PLA2G4A: variants seen among roughly 807,000 people sequenced by gnomAD.
PLA2G4A encodes phospholipase A2 group IVA.
A neutral mutation model predicts 81.9 loss-of-function variants in PLA2G4A; 40 were observed. The observed-to-expected ratio is 0.49, with a 90% CI of 0.38 to 0.64. The LOEUF (loss-of-function observed/expected upper bound fraction) is 0.64. Among genes scored for constraint, PLA2G4A ranks in the 30% least tolerant of loss-of-function variants. The pLI is 0.00. For synonymous variants in PLA2G4A, 302 were observed against 296.9 expected (o/e 1.02, Z -0.18); for missense variants, 715 against 905.1 (o/e 0.79, Z 2.69).
At chr1:186,949,451 G>A (rs1656472848) in intron 12 of PLA2G4A, among the ~76,000 whole-genome samples, 8 of 151,566 alleles carry the variant, frequency 5.3e-5, no homozygotes, top group Admixed American at 5.3e-4. Context: ...CTTAAGGAAG[G>A]AAAAGAAAAT....
chr1:186,846,169 G>T (rs376267414), intron 1 of PLA2G4A, among the ~76,000 whole-genome samples: 2 of 152,132 alleles, frequency 1.3e-5, no homozygotes, highest in African/African-American at 4.8e-5. Flanking sequence ...GGACAGAAAT[G>T]CCTTAATTTT....
intron 7 of PLA2G4A, among the ~76,000 whole-genome samples, chr1:186,932,036 T>C (rs1655764319): frequency 2.0e-5 from 3 of 152,190 alleles, no homozygotes; most frequent in Non-Finnish European, 2.9e-5. Context: ...TGGTAGATCT[T>C]ACACAAGAAA....
chr1:186,964,344 G>GTAAT (rs10647657), intron 14 of PLA2G4A, among the ~76,000 whole-genome samples: 29,296 of 152,074 alleles, frequency 0.19, 5,116 homozygotes, highest in African/African-American at 0.47. Flanking sequence ...AATGTGAAGA[G>GTAAT]TAATGTGTTA....
At chr1:186,867,717 G>A (rs1428783415) in intron 2 of PLA2G4A, among the ~76,000 whole-genome samples, 1 of 151,904 alleles carries the variant, frequency 6.6e-6, no homozygotes, top group African/African-American at 2.4e-5. Context: ...GCATCAAATA[G>A]GACTTCCAGT....
intron 6 of PLA2G4A, among the ~76,000 whole-genome samples, chr1:186,909,043 G>A (rs1252754752): frequency 7.2e-6 from 1 of 138,300 alleles, no homozygotes; most frequent in East Asian, 2.1e-4. Context: ...GCGCGATCTC[G>A]GCTCACTGCA....
At chr1:186,953,398 A>T (rs1656632969) in intron 13 of PLA2G4A, among the ~76,000 whole-genome samples, 1 of 152,160 alleles carries the variant, frequency 6.6e-6, no homozygotes, top group Non-Finnish European at 1.5e-5. Flanking sequence ...CCTTTGGCCC[A>T]TTTTTGGATT....
intron 10 of PLA2G4A, among the ~76,000 whole-genome samples, chr1:186,944,971 G>A (rs532654971): frequency 9.1e-4 from 138 of 152,114 alleles, no homozygotes; most frequent in Non-Finnish European, 1.7e-3. Flanking sequence ...AGAAGCTTAT[G>A]AATTTTTGAA....
chr1:186,979,353 G>A lies in PLA2G4A; in HGVS notation c.1999G>A (p.Asp667Asn). 6.2e-7 allele frequency: 1 copy of A among 1,611,884 alleles called. No homozygotes were observed. Among genetic ancestry groups the A allele is most frequent in the South Asian group, 1.1e-5 (1 of 91,028 alleles). The change falls in exon 17 of 18, where the codon GAC becomes AAC. Residue 667 changes from aspartate to asparagine, a missense_variant. Asp to Asn is a conservative substitution (Grantham distance 23). Transcript: ENST00000367466. The stretch of plus-strand genomic sequence containing the variant: ...AACTGAGGAAGAGAAAGAAATCGCT[G>A]ACTTTGATATTTTTGATGACCCAGA... ...RETEEEKEIA[D>N]FDIFDDPESP...
At chr1:186,931,832 A>G (rs1655757879) in intron 7 of PLA2G4A, among the ~76,000 whole-genome samples, 1 of 152,166 alleles carries the variant, frequency 6.6e-6, no homozygotes, top group African/African-American at 2.4e-5. Context: ...TCCTTCACCT[A>G]AATTCATGCC....
chr1:186,904,165 CG>C (rs1169665116), intron 5 of PLA2G4A, among the ~76,000 whole-genome samples: 1 of 152,048 alleles, frequency 6.6e-6, no homozygotes, highest in African/African-American at 2.4e-5. Context: ...AATTGCTTTC[CG>C]CTGGGGAATT....
chr1:186,956,380 A>C, intron 14 of PLA2G4A, 36 bp downstream of exon 14: 1 of 1,574,518 alleles, frequency 6.4e-7, no homozygotes, highest in Non-Finnish European at 8.7e-7. Context: ...GAGCTAATGC[A>C]GGAGATCTTT....
chr1:186,988,163 G>A (rs1657950217), intron 17 of PLA2G4A, among the ~76,000 whole-genome samples: 1 of 152,090 alleles, frequency 6.6e-6, no homozygotes, highest in Non-Finnish European at 1.5e-5. Context: ...TTCTTTCCCT[G>A]GTGAGGGAAG....
intron 8 of PLA2G4A, among the ~76,000 whole-genome samples, chr1:186,938,226 G>T (rs191624713): frequency 6.6e-6 from 1 of 151,832 alleles, no homozygotes; most frequent in Non-Finnish European, 1.5e-5. Context: ...ATAAGTAAAC[G>T]AGTAATTAAT....
intron 9 of PLA2G4A, 26 bp downstream of exon 9, chr1:186,939,256 C>G: frequency 1.0e-6 from 1 of 978,486 alleles, no homozygotes. Context: ...ATCTACACTG[C>G]TTTTATAACA....
In PLA2G4A at chr1:186,902,061, C is replaced by T. The variant is rs115742978; in HGVS notation, c.379-4904C>T. The stretch of plus-strand genomic sequence containing the variant: ...AACCTAGATGGTACAGCCTGCTATA[C>T]ACCTAGGCTATATGGTGTAGCCTAT... On this transcript the variant is annotated intron_variant, in intron 5 of 17. Coordinates refer to ENST00000367466, the MANE Select transcript of PLA2G4A (RefSeq NM_024420.3). 5.8e-3 allele frequency among the ~76,000 whole-genome samples: 889 copies of T among 152,278 alleles called. 7 individuals are homozygous for T. Among genetic ancestry groups the T allele is most frequent in the African/African-American group, 0.02 (844 of 41,534 alleles).
intron 5 of PLA2G4A, among the ~76,000 whole-genome samples, chr1:186,902,879 C>CAAAAAA (rs72003812): frequency 2.0e-5 from 2 of 99,462 alleles, no homozygotes; most frequent in African/African-American, 3.9e-5. Context: ...CTTTATTGCT[C>CAAAAAA]AAAAAAAAAA....
chr1:186,901,835 T>A (rs1432656300), intron 5 of PLA2G4A, among the ~76,000 whole-genome samples: 1 of 152,176 alleles, frequency 6.6e-6, no homozygotes, highest in Non-Finnish European at 1.5e-5. Flanking sequence ...AATTTTTTTG[T>A]GTGTGTGGGT....
intron 1 of PLA2G4A, among the ~76,000 whole-genome samples, chr1:186,831,883 T>C (rs1180710213): frequency 6.6e-6 from 1 of 152,164 alleles, no homozygotes; most frequent in Non-Finnish European, 1.5e-5. Context: ...TTTTACAAAA[T>C]TGTGATCACA....
At chr1:186,870,256 A>C in intron 2 of PLA2G4A, among the ~76,000 whole-genome samples, 179 bp from the exon 3 acceptor site, 1 of 152,212 alleles carries the variant, frequency 6.6e-6, no homozygotes, top group East Asian at 1.9e-4. Flanking sequence ...GCACAATCTA[A>C]ACTCAATGAT....
Sources: allele counts gnomAD v4.1 joint callset (sites outside exome capture counted in the v4.1 genomes callset), GRCh38; gene constraint gnomAD v4.1.1; transcripts MANE v1.5; gene names NCBI Gene and HGNC (gene_info 2026-07-23, HGNC 2026-07-21).